The following BMPER variants were observed in gnomAD, a reference collection of about 807,000 sequenced individuals.
BMPER encodes the protein BMP-binding endothelial regulator protein.
In BMPER, 45 loss-of-function variants were observed where a neutral mutation model predicts 87.3. The ratio of observed to expected loss-of-function variants is 0.52; its 90% CI spans 0.41 to 0.66. BMPER has a LOEUF of 0.66. BMPER is among the 30% of genes least tolerant of loss of function. The pLI is 0.00. For missense variants in BMPER, 784 were observed against 867.5 expected, an observed-to-expected ratio of 0.90 and a Z score of 1.21; for synonymous variants, 326 against 316.2, an observed-to-expected ratio of 1.03 and a Z score of -0.33.
chr7:34,102,619 AG>A (rs1789711248), intron 13 of BMPER, among the ~76,000 whole-genome samples: 2 of 152,168 alleles, frequency 1.3e-5, no homozygotes, highest in South Asian at 4.1e-4. Context: ...TTACTTGAAG[AG>A]GGGAGAATGG....
chr7:34,128,089 A>G (rs1444744389), intron 13 of BMPER, among the ~76,000 whole-genome samples: 1 of 152,158 alleles, frequency 6.6e-6, no homozygotes, highest in Non-Finnish European at 1.5e-5. Flanking sequence ...ATTTCTCGTG[A>G]TGTCTGTTCC....
intron 3 of BMPER, among the ~76,000 whole-genome samples, chr7:33,957,927 C>G (rs533924847): frequency 6.6e-6 from 1 of 152,296 alleles, no homozygotes; most frequent in East Asian, 1.9e-4. Context: ...ATTAGTGACA[C>G]AGATGGTGTT....
At chr7:33,956,757 CT>C (rs1785157861) in intron 3 of BMPER, among the ~76,000 whole-genome samples, 1 of 152,168 alleles carries the variant, frequency 6.6e-6, no homozygotes, top group South Asian at 2.1e-4. Context: ...TTTTCTCTAG[CT>C]TACTTTAGTA....
intron 2 of BMPER, among the ~76,000 whole-genome samples, chr7:33,920,649 C>T (rs535579904): frequency 9.9e-5 from 15 of 152,002 alleles, no homozygotes; most frequent in African/African-American, 3.1e-4. Flanking sequence ...TGGTCTTGAA[C>T]TCCTGACTTT....
chr7:34,003,082 G>A (rs1298773247), intron 6 of BMPER, among the ~76,000 whole-genome samples: 2 of 151,218 alleles, frequency 1.3e-5, no homozygotes, highest in South Asian at 2.1e-4. Flanking sequence ...TGTCTTTTTT[G>A]TTCTGCAGTT....
At chr7:33,954,739 G>T (rs185457627) in intron 3 of BMPER, among the ~76,000 whole-genome samples, 1 of 152,186 alleles carries the variant, frequency 6.6e-6, no homozygotes, top group Non-Finnish European at 1.5e-5. Context: ...TCCCATGAGT[G>T]CCTGCTTTAA....
chr7:33,952,612 T>C (rs1438080331), intron 3 of BMPER, among the ~76,000 whole-genome samples: 1 of 152,212 alleles, frequency 6.6e-6, no homozygotes, highest in African/African-American at 2.4e-5. Context: ...ACTGAAAGTA[T>C]GTCCATATAT....
intron 14 of BMPER, among the ~76,000 whole-genome samples, chr7:34,152,302 C>T (rs1054282683): frequency 6.6e-6 from 1 of 152,086 alleles, no homozygotes; most frequent in Non-Finnish European, 1.5e-5. Flanking sequence ...GAATGAGGGG[C>T]GGCCCCTTCA....
In BMPER at chr7:34,079,974, T is replaced by C. The variant is rs543393180; in HGVS notation, c.1408+788T>C. ...TTAGAAGCAGAACTCAGTCCTTGAA[T>C]ATCAGCCCCAGAGCATAAATTCAGC... On this transcript the variant is annotated intron_variant, in intron 12 of 14. Transcript: ENST00000649409. Among the ~76,000 whole-genome samples the C allele has an allele frequency of 1.4e-4, 21 of 152,340 alleles. No homozygotes were observed. The South Asian group carries it at 4.3e-3, about 32-fold the overall frequency.
intron 13 of BMPER, among the ~76,000 whole-genome samples, chr7:34,088,187 G>A (rs1399872198): frequency 6.6e-6 from 1 of 152,190 alleles, no homozygotes; most frequent in Non-Finnish European, 1.5e-5. Flanking sequence ...AAGTAGGCTT[G>A]TGCTCTCCTG....
chr7:33,988,470 C>G (rs954901079), intron 6 of BMPER, among the ~76,000 whole-genome samples: 3 of 151,798 alleles, frequency 2.0e-5, no homozygotes, highest in African/African-American at 7.3e-5. Context: ...TTTTTTTTTC[C>G]AACACAGAAA....
chr7:33,993,436 A>T (rs1390831030), intron 6 of BMPER, among the ~76,000 whole-genome samples: 1 of 151,852 alleles, frequency 6.6e-6, no homozygotes, highest in Non-Finnish European at 1.5e-5. Context: ...TGCATTCTTC[A>T]CGTAGTTCTC....
At chr7:34,031,283 T>A (rs1787510866) in intron 6 of BMPER, among the ~76,000 whole-genome samples, 1 of 152,106 alleles carries the variant, frequency 6.6e-6, no homozygotes, top group African/African-American at 2.4e-5. Flanking sequence ...GTAAAGGATG[T>A]GTGTCAGCAT....
intron 13 of BMPER, among the ~76,000 whole-genome samples, chr7:34,125,997 A>G (rs1790392410): frequency 6.6e-6 from 1 of 152,214 alleles, no homozygotes; most frequent in Non-Finnish European, 1.5e-5. Context: ...CAGGAAATTA[A>G]ACAAACACAG....
intron 6 of BMPER, among the ~76,000 whole-genome samples, chr7:34,041,979 C>G (rs768651406): frequency 4.1e-4 from 63 of 152,124 alleles, no homozygotes; most frequent in Non-Finnish European, 7.6e-4. Flanking sequence ...TGGTTTTCAG[C>G]CCCCAAGTCT....
chr7:34,092,179 G>T (rs571830895), intron 13 of BMPER, among the ~76,000 whole-genome samples: 18 of 152,320 alleles, frequency 1.2e-4, no homozygotes, highest in Non-Finnish European at 2.4e-4. Flanking sequence ...AAACTGGTCA[G>T]AGTGAGTAGA....
chr7:33,992,513 C>T (rs1387900311), intron 6 of BMPER, among the ~76,000 whole-genome samples: 5 of 148,794 alleles, frequency 3.4e-5, no homozygotes. Context: ...ATGTGTGTCT[C>T]TGCACGTGAG....
chr7:34,048,864 C>T (rs774106363), intron 7 of BMPER, among the ~76,000 whole-genome samples: 10 of 152,126 alleles, frequency 6.6e-5, no homozygotes, highest in South Asian at 2.1e-4. Context: ...ACCACTCCCT[C>T]GAATGTTTTA....
chr7:34,011,898 G>C (rs139338009), intron 6 of BMPER, among the ~76,000 whole-genome samples: 2 of 151,900 alleles, frequency 1.3e-5, no homozygotes, highest in African/African-American at 4.8e-5. Context: ...CCCATTTTCC[G>C]AAATTTTGTT....
Sources: allele counts gnomAD v4.1 joint callset (sites outside exome capture counted in the v4.1 genomes callset), GRCh38; gene constraint gnomAD v4.1.1; transcripts MANE v1.5; gene names NCBI Gene and HGNC (gene_info 2026-07-23, HGNC 2026-07-21).